PLCB1: variants seen among roughly 807,000 people sequenced by gnomAD.
PLCB1 encodes phospholipase C beta 1, also known as 1-phosphatidylinositol 4,5-bisphosphate phosphodiesterase beta-1.
PLCB1 carries 46 observed loss-of-function variants against 161.8 expected under a neutral mutation model. That is an observed-to-expected ratio of 0.28 (90% confidence interval 0.22 to 0.36). The LOEUF (loss-of-function observed/expected upper bound fraction) is 0.36, where lower values mean the gene tolerates loss of function less well. Among genes scored for constraint, PLCB1 ranks in the 10% least tolerant of loss-of-function variants. The pLI is 1.00. For missense variants in PLCB1, 1,016 were observed against 1,472.5 expected, an observed-to-expected ratio of 0.69 and a Z score of 5.07; for synonymous variants, 517 against 503.7, an observed-to-expected ratio of 1.03 and a Z score of -0.35.
intron 3 of PLCB1, among the ~76,000 whole-genome samples, chr20:8,461,969 G>A (rs1423933521): frequency 6.6e-6 from 1 of 151,730 alleles, no homozygotes; most frequent in East Asian, 1.9e-4. Flanking sequence ...GTTATATAAT[G>A]GACATATTTT....
intron 3 of PLCB1, among the ~76,000 whole-genome samples, chr20:8,498,149 G>A (rs1264447642): frequency 6.6e-6 from 1 of 152,180 alleles, no homozygotes; most frequent in Non-Finnish European, 1.5e-5. Flanking sequence ...CCAGGCTGGA[G>A]TGCAGTGGCA....
At chr20:8,257,970 AT>A (rs1048944825) in intron 2 of PLCB1, among the ~76,000 whole-genome samples, 1 of 152,152 alleles carries the variant, frequency 6.6e-6, no homozygotes, top group African/African-American at 2.4e-5. Context: ...AGACTCGTTT[AT>A]TTTTAAGGTG....
At chr20:8,747,657 A>C (rs1356642187) in intron 23 of PLCB1, among the ~76,000 whole-genome samples, 1 of 152,122 alleles carries the variant, frequency 6.6e-6, no homozygotes, top group Non-Finnish European at 1.5e-5. Flanking sequence ...CTGTAGTCCC[A>C]GCTTCTCGGG....
chr20:8,751,414 T>C (rs1336509114), intron 23 of PLCB1: 1 of 152,224 alleles, frequency 6.6e-6, no homozygotes, highest in Admixed American at 6.5e-5. Context: ...AAACTTTCAA[T>C]GCCCAGGACG....
rs1425640360 is a variant in PLCB1, at chr20:8,781,409, CACACACAA to C, written c.3111+6698_3111+6705del. Among the ~76,000 whole-genome samples, 144 of 21,896 alleles carry C rather than the reference CACACACAA, an allele frequency of 6.6e-3. 1 individual carries two copies. Among genetic ancestry groups the C allele is most frequent in the East Asian group, 0.064 (25 of 390 alleles). 14.4% of individuals were successfully genotyped at this position (21,896 alleles called of 152,430 possible). Reference sequence around the variant, plus strand: ...ATTCACACACACAAACACACACACACACACACAAACACACACACACACACACACACACA... The same window carrying C: ...ATTCACACACACAAACACACACACACACACACACACACACACACACACACA... On this transcript the variant is annotated intron_variant, in intron 27 of 31. Coordinates refer to ENST00000338037, the MANE Select transcript of PLCB1 (RefSeq NM_015192.4).
intron 3 of PLCB1, among the ~76,000 whole-genome samples, chr20:8,623,125 T>C (rs1013690223): frequency 1.3e-5 from 2 of 152,108 alleles, no homozygotes; most frequent in Non-Finnish European, 2.9e-5. Flanking sequence ...ACCCTGAGCT[T>C]GTTCCTGGAG....
intron 3 of PLCB1, among the ~76,000 whole-genome samples, chr20:8,548,605 A>G (rs999683416): frequency 1.3e-5 from 2 of 150,692 alleles, no homozygotes; most frequent in East Asian, 1.9e-4. Context: ...CTATTCATCT[A>G]TCTGTCTATC....
chr20:8,662,381 AAT>A (rs1600234210), intron 9 of PLCB1, among the ~76,000 whole-genome samples: 1 of 129,748 alleles, frequency 7.7e-6, no homozygotes, highest in East Asian at 2.2e-4. Context: ...AATTATGTAT[AAT>A]ATATAATTAT....
chr20:8,293,976 A>G lies in PLCB1; in HGVS notation c.178-77406A>G, dbSNP rs1000880105. Among the ~76,000 whole-genome samples, 6 of 152,298 alleles carry G rather than the reference A, an allele frequency of 3.9e-5. 1 individual carries two copies. Among genetic ancestry groups the G allele is most frequent in the East Asian group, 1.9e-4 (1 of 5,178 alleles). On this transcript the variant is annotated intron_variant, in intron 2 of 31. Transcript: ENST00000338037. ...TCTAGAAGATCTATTTGAGTTGCAC[A>G]TCTTGGGACGTCTTGTGCAATTGTT...
chr20:8,147,326 T>A (rs1487605638), intron 1 of PLCB1, among the ~76,000 whole-genome samples: 2 of 152,188 alleles, frequency 1.3e-5, no homozygotes, highest in Non-Finnish European at 2.9e-5. Context: ...ATGTTATAGA[T>A]GTTGATGGAG....
At chr20:8,398,453 G>A (rs1269742469) in intron 3 of PLCB1, among the ~76,000 whole-genome samples, 1 of 152,006 alleles carries the variant, frequency 6.6e-6, no homozygotes, top group African/African-American at 2.4e-5. Context: ...CACAGTTCTG[G>A]AGGCTGGGTA....
intron 14 of PLCB1, among the ~76,000 whole-genome samples, chr20:8,718,824 T>C (rs977003509): frequency 4.6e-5 from 7 of 152,200 alleles, no homozygotes; most frequent in African/African-American, 1.7e-4. Flanking sequence ...TAATGGGAAA[T>C]ATTAACTATA....
chr20:8,563,509 A>G (rs373844983), intron 3 of PLCB1, among the ~76,000 whole-genome samples: 14 of 152,132 alleles, frequency 9.2e-5, no homozygotes, highest in Middle Eastern at 3.4e-3. Context: ...TCCTGGACAC[A>G]GTGCAATATG....
At chr20:8,835,617 T>C (rs1986249576) in intron 31 of PLCB1, among the ~76,000 whole-genome samples, 1 of 152,132 alleles carries the variant, frequency 6.6e-6, no homozygotes, top group South Asian at 2.1e-4. Flanking sequence ...ATTTGTGGAC[T>C]CTTGAGTAGG....
chr20:8,529,627 TC>T (rs144075018), intron 3 of PLCB1, among the ~76,000 whole-genome samples: 45,922 of 138,688 alleles, frequency 0.33, 7,308 homozygotes, highest in Middle Eastern at 0.43. Flanking sequence ...TTATTTATTT[TC>T]TCAGTAGTTA....
At chr20:8,805,491 C>A (rs762068483) in intron 31 of PLCB1, among the ~76,000 whole-genome samples, 1 of 152,110 alleles carries the variant, frequency 6.6e-6, no homozygotes, top group Non-Finnish European at 1.5e-5. Flanking sequence ...AAACATAGTT[C>A]CTACATGCTT....
At chr20:8,378,201 G>A (rs1275529104) in intron 3 of PLCB1, among the ~76,000 whole-genome samples, 1 of 152,192 alleles carries the variant, frequency 6.6e-6, no homozygotes, top group African/African-American at 2.4e-5. Flanking sequence ...TTTGACACAT[G>A]CTACAACCTG....
At chr20:8,281,694 G>A (rs550420009) in intron 2 of PLCB1, among the ~76,000 whole-genome samples, 2 of 151,696 alleles carry the variant, frequency 1.3e-5, no homozygotes, top group East Asian at 1.9e-4. Context: ...ACTTTTTTTT[G>A]GTTTTAAAGT....
intron 3 of PLCB1, among the ~76,000 whole-genome samples, chr20:8,560,507 A>G (rs1207762621): frequency 2.6e-5 from 4 of 152,036 alleles, no homozygotes; most frequent in Non-Finnish European, 5.9e-5. Flanking sequence ...TAATGCAATC[A>G]GAATCTCTGA....
Sources: allele counts gnomAD v4.1 joint callset (sites outside exome capture counted in the v4.1 genomes callset), GRCh38; gene constraint gnomAD v4.1.1; transcripts MANE v1.5; gene names NCBI Gene and HGNC (gene_info 2026-07-23, HGNC 2026-07-21).